The following EZR variants were observed in gnomAD, a reference collection of about 807,000 sequenced individuals.
EZR encodes cytovillin 2.
In EZR, 40 loss-of-function variants were observed where a neutral mutation model predicts 74.8. The ratio of observed to expected loss-of-function variants is 0.53; its 90% CI spans 0.42 to 0.70. EZR has a LOEUF of 0.70. EZR is among the 30% of genes least tolerant of loss of function. The pLI, the probability that EZR is intolerant of heterozygous loss-of-function variation, is 0.00. For missense variants in EZR, 678 were observed against 755.8 expected, an observed-to-expected ratio of 0.90 and a Z score of 1.21; for synonymous variants, 341 against 283.3, an observed-to-expected ratio of 1.20 and a Z score of -2.05.
intron 2 of EZR, among the ~76,000 whole-genome samples, chr6:158,813,150 T>C (rs1434333281): frequency 1.3e-5 from 2 of 152,192 alleles, no homozygotes; most frequent in East Asian, 1.9e-4. Flanking sequence ...CTAGCCACAT[T>C]GGGCTTCATG....
At chr6:158,811,528 T>C (rs1323120002) in intron 2 of EZR, among the ~76,000 whole-genome samples, 1 of 152,200 alleles carries the variant, frequency 6.6e-6, no homozygotes, top group Non-Finnish European at 1.5e-5. Context: ...ATGATACTGT[T>C]TTCCTTTCCC....
At chr6:158,814,275 C>T (rs995697427) in intron 2 of EZR, among the ~76,000 whole-genome samples, 2 of 152,152 alleles carry the variant, frequency 1.3e-5, no homozygotes, top group Admixed American at 6.5e-5. Flanking sequence ...GGAGTGCTGC[C>T]GCGTGCGCCC....
chr6:158,802,269 C>T (rs1347363222), intron 2 of EZR, among the ~76,000 whole-genome samples: 1 of 152,200 alleles, frequency 6.6e-6, no homozygotes, highest in Non-Finnish European at 1.5e-5. Context: ...GCTAGAGTTT[C>T]TCAGTTCAGT....
At position 158,785,297 on chromosome 6, in the gene EZR, T is replaced by G; in HGVS notation, c.467+12A>C. On this transcript the variant is annotated intron_variant, in intron 5 of 13. Transcript: ENST00000367075. ...GACTGCTCCTGCCCAGGCCGGGTCA[T>G]CCTGTGCTCACCTTTGAGGGATCAG... 6.2e-7 allele frequency: 1 copy of G among 1,612,240 alleles called. No individual in the cohort carries two copies. The highest frequency in any genetic ancestry group is 8.5e-7 in the Non-Finnish European group (1 of 1,178,922).
At chr6:158,785,730 A>C (rs1791562739) in intron 4 of EZR, 147 bp from the exon 5 acceptor site, 1 of 1,042,926 alleles carries the variant, frequency 9.6e-7, no homozygotes, top group East Asian at 2.6e-5. Flanking sequence ...TTAGCACTCC[A>C]GACAAAAAAA....
chr6:158,784,004 C>T (rs553433733), intron 6 of EZR, among the ~76,000 whole-genome samples: 1 of 152,344 alleles, frequency 6.6e-6, no homozygotes, highest in East Asian at 1.9e-4. Context: ...CATGTCTTCC[C>T]ACAACCCTCC....
chr6:158,792,237 T>TG (rs1219363519), intron 2 of EZR, among the ~76,000 whole-genome samples: 1 of 151,358 alleles, frequency 6.6e-6, no homozygotes, highest in Admixed American at 6.6e-5. Context: ...TTTTTTGAGA[T>TG]GGAGTCTCCT....
intron 2 of EZR, among the ~76,000 whole-genome samples, chr6:158,815,134 G>C (rs1472946957): frequency 1.3e-5 from 2 of 152,100 alleles, no homozygotes; most frequent in Non-Finnish European, 2.9e-5. Flanking sequence ...TCTTAACTTA[G>C]GCTTGAATAA....
intron 1 of EZR, among the ~76,000 whole-genome samples, chr6:158,818,817 G>A (rs1428024145): frequency 6.7e-6 from 1 of 149,706 alleles, no homozygotes; most frequent in Non-Finnish European, 1.5e-5. Context: ...CACCCGACAG[G>A]GAGGGGTCAG....
intron 8 of EZR, among the ~76,000 whole-genome samples, chr6:158,774,901 T>TCCA (rs1554272049): frequency 6.6e-6 from 1 of 152,024 alleles, no homozygotes; most frequent in Non-Finnish European, 1.5e-5. Context: ...GCTATGACCC[T>TCCA]CCATTCATGC....
rs750204078 is a variant in EZR, at chr6:158,787,227, A to C, written c.97-24T>G. ...ACCTGCGTGAGAGAGAGAGAGGCTC[A>C]ACACTCATGAGAAACTCACTCAAAA... On this transcript the variant is annotated intron_variant, in intron 3 of 13. Transcript: ENST00000367075. The C allele has an allele frequency of 2.4e-5, 38 of 1,591,782 alleles. 1 individual carries two copies. The Middle Eastern group carries it at 1.0e-3, about 42-fold the overall frequency.
At chr6:158,796,645 T>C (rs950886120) in intron 2 of EZR, among the ~76,000 whole-genome samples, 4 of 107,320 alleles carry the variant, frequency 3.7e-5, no homozygotes, top group African/African-American at 6.1e-5. Flanking sequence ...AATGGGGATA[T>C]GCTGTGGGGG....
At chr6:158,786,820 TCA>T (rs1315956159) in intron 4 of EZR, among the ~76,000 whole-genome samples, 7 of 152,352 alleles carry the variant, frequency 4.6e-5, no homozygotes, top group East Asian at 1.9e-4. Flanking sequence ...GGTGGATGAT[TCA>T]CAGTTTATAA....
At chr6:158,805,590 T>C (rs1388456693) in intron 2 of EZR, among the ~76,000 whole-genome samples, 1 of 152,170 alleles carries the variant, frequency 6.6e-6, no homozygotes, top group Non-Finnish European at 1.5e-5. Flanking sequence ...AAGACCAAAG[T>C]AGCTTCTTTT....
At chr6:158,807,976 A>T (rs1777379460) in intron 2 of EZR, among the ~76,000 whole-genome samples, 1 of 152,228 alleles carries the variant, frequency 6.6e-6, no homozygotes, top group African/African-American at 2.4e-5. Context: ...GTGACTGTCA[A>T]CCAAGCAGGT....
intron 3 of EZR, among the ~76,000 whole-genome samples, chr6:158,787,523 T>C (rs768986000): frequency 1.3e-5 from 2 of 152,160 alleles, no homozygotes; most frequent in Non-Finnish European, 2.9e-5. Flanking sequence ...CAGGGCGGGT[T>C]ATGGCCAGCA....
rs777139984 is a variant in EZR at position 158,795,274 on chromosome 6, TAA to T, written c.13-5905_13-5904del. Among the ~76,000 whole-genome samples the T allele has an allele frequency of 2.4e-4, 37 of 151,694 alleles. No homozygotes were observed. The East Asian group carries it at 4.5e-3, about 18-fold the overall frequency. On this transcript the variant is annotated intron_variant, in intron 2 of 13. Transcript: ENST00000367075. ...CGCAAAAAATAAATAAATAAATAAA[TAA>T]ATAATTCTATTTGTTGGCCAAATAT...
chr6:158,813,546 TGGA>T (rs1219560423), intron 2 of EZR, among the ~76,000 whole-genome samples: 5 of 151,628 alleles, frequency 3.3e-5, no homozygotes, highest in African/African-American at 7.3e-5. Flanking sequence ...CTGCCCCTCG[TGGA>T]GGAGGAGGGG....
intron 2 of EZR, among the ~76,000 whole-genome samples, chr6:158,795,860 G>A (rs1777059759): frequency 6.6e-6 from 1 of 152,164 alleles, no homozygotes; most frequent in South Asian, 2.1e-4. Context: ...GGAGACAGAG[G>A]GCCTGGGTTT....
Sources: allele counts gnomAD v4.1 joint callset (sites outside exome capture counted in the v4.1 genomes callset), GRCh38; gene constraint gnomAD v4.1.1; transcripts MANE v1.5; gene names NCBI Gene and HGNC (gene_info 2026-07-23, HGNC 2026-07-21).